The following TMEM144 variants were observed in gnomAD, a reference collection of about 807,000 sequenced individuals.
TMEM144 encodes transmembrane protein 144.
Under a neutral mutation model 43.6 loss-of-function variants are expected in TMEM144, and 39 were observed. The observed-to-expected ratio is 0.90, with a 90% confidence interval of 0.69 to 1.17. The LOEUF (loss-of-function observed/expected upper bound fraction) is 1.17, where lower values mean the gene tolerates loss of function less well. Ranked by LOEUF, TMEM144 falls within the 50% of genes most tolerant of loss-of-function variation. TMEM144 has a pLI of 0.00. For synonymous variants in TMEM144, 154 were observed against 133.6 expected (o/e 1.15, Z -1.06); for missense variants, 417 against 411.9 (o/e 1.01, Z -0.11).
At position 158,212,395 on chromosome 4, in the gene TMEM144, G is replaced by T. The variant is rs76400289; in HGVS notation, c.-60-213G>T. ...AATGTACTAAAAATTTGTCTTCAGG[G>T]CTTGTTCTTTTTAAATTGTAGGCTA... On this transcript the variant is annotated intron_variant, in intron 2 of 12. Transcript: ENST00000296529. Among the ~76,000 whole-genome samples, 11 of 152,268 alleles carry T rather than the reference G, an allele frequency of 7.2e-5. No homozygotes were observed. In the East Asian group the frequency reaches 2.1e-3, roughly 29 times the overall value.
chr4:158,223,137 T>A (rs1734586426), intron 6 of TMEM144, among the ~76,000 whole-genome samples: 1 of 152,220 alleles, frequency 6.6e-6, no homozygotes, highest in Non-Finnish European at 1.5e-5. Context: ...TTGCACAGGC[T>A]CAAAATCATT....
intron 6 of TMEM144, among the ~76,000 whole-genome samples, chr4:158,229,957 C>T (rs934042325): frequency 3.1e-4 from 15 of 48,012 alleles, no homozygotes; most frequent in Non-Finnish European, 6.7e-4. Context: ...GGCTGCTGCC[C>T]CTTCCCCAAG....
chr4:158,219,508 C>A, intron 6 of TMEM144, 118 bp downstream of exon 6: 1 of 991,446 alleles, frequency 1.0e-6, no homozygotes, highest in Non-Finnish European at 1.5e-6. Flanking sequence ...CATGCTTGTT[C>A]CTCAGATTCT....
At chr4:158,225,157 G>A (rs1734699101) in intron 6 of TMEM144, among the ~76,000 whole-genome samples, 1 of 152,202 alleles carries the variant, frequency 6.6e-6, no homozygotes, top group Admixed American at 6.5e-5. Flanking sequence ...TGCTAACAGG[G>A]CCATTGCTGC....
intron 6 of TMEM144, among the ~76,000 whole-genome samples, chr4:158,228,035 T>C (rs1364906353): frequency 6.6e-6 from 1 of 152,128 alleles, no homozygotes; most frequent in Non-Finnish European, 1.5e-5. Context: ...CACACACTTT[T>C]GCAGTTTACA....
At chr4:158,243,578 G>T (rs1189181275) in intron 11 of TMEM144, among the ~76,000 whole-genome samples, 2 of 152,118 alleles carry the variant, frequency 1.3e-5, no homozygotes, top group African/African-American at 4.8e-5. Context: ...CAGCTAAGAA[G>T]AATTACCACC....
At position 158,212,529 on chromosome 4, in the gene TMEM144, A is replaced by C. The variant is rs2272049; in HGVS notation, c.-60-79A>C. On this transcript the variant is annotated intron_variant, in intron 2 of 12. Transcript: ENST00000296529. The stretch of plus-strand genomic sequence containing the variant: ...AGGAGTCTTAGCGTGCTTTTGAAAA[A>C]TTCAATAAATATAATATGTTAATCA... The C allele has an allele frequency of 2.4e-3, 1,424 of 599,796 alleles. 28 individuals carry two copies. In the East Asian group the frequency reaches 0.038, roughly 16 times the overall value. The allele number at this position is 599,796 out of a possible 1,614,324, so 37.2% of individuals were successfully genotyped here.
chr4:158,253,671 C>A lies in TMEM144; in HGVS notation c.*144C>A, dbSNP rs959535265. The A allele has an allele frequency of 3.2e-6, 2 of 620,086 alleles. No individual in the cohort carries two copies. The highest frequency in any genetic ancestry group is 1.9e-5 in the African/African-American group (1 of 54,024). The allele number at this position is 620,086 out of a possible 1,614,324, so 38.4% of individuals were successfully genotyped here. A position where few individuals can be genotyped will look rare whatever the true frequency, so the allele number is the denominator to read the frequency against. On this transcript the variant is annotated 3_prime_UTR_variant, in exon 13 of 13. Coordinates refer to ENST00000296529, the MANE Select transcript of TMEM144 (RefSeq NM_018342.5). ...GGAGTGGGTAAATGATTTTTTTCCC[C>A]AAAAATGTGAGAATGAAGGAAGATT...
At chr4:158,245,214 G>A (rs1414015449) in intron 12 of TMEM144, among the ~76,000 whole-genome samples, 1 of 36,318 alleles carries the variant, frequency 2.8e-5, no homozygotes, top group Non-Finnish European at 5.5e-5. Context: ...TCTAGTAAGA[G>A]TGTGTGTGTG....
intron 6 of TMEM144, among the ~76,000 whole-genome samples, chr4:158,220,679 T>C (rs1485647616): frequency 6.6e-6 from 1 of 152,252 alleles, no homozygotes; most frequent in African/African-American, 2.4e-5. Context: ...CATATAGTGC[T>C]AATTACATGG....
At chr4:158,241,643 A>G (rs1261326021) in intron 11 of TMEM144, 37 bp downstream of exon 11, 1 of 1,582,734 alleles carries the variant, frequency 6.3e-7, no homozygotes, top group Non-Finnish European at 8.7e-7. Flanking sequence ...TTTTCATTTT[A>G]TAAATGTAAA....
chr4:158,222,608 T>C (rs1465053920), intron 6 of TMEM144, among the ~76,000 whole-genome samples: 1 of 152,252 alleles, frequency 6.6e-6, no homozygotes, highest in African/African-American at 2.4e-5. Context: ...GTATTACTTA[T>C]ACAGTCCTCT....
At chr4:158,225,882 G>T (rs1227816229) in intron 6 of TMEM144, among the ~76,000 whole-genome samples, 1 of 152,252 alleles carries the variant, frequency 6.6e-6, no homozygotes, top group Non-Finnish European at 1.5e-5. Flanking sequence ...GGGCTGACCC[G>T]CAGGGTGCCG....
At chr4:158,237,705 G>C in intron 9 of TMEM144, 62 bp downstream of exon 9, 1 of 1,142,742 alleles carries the variant, frequency 8.8e-7, no homozygotes, top group South Asian at 1.5e-5. Context: ...AAAAAGAATT[G>C]TGATAATAGT....
At chr4:158,243,804 G>A (rs1735741154) in intron 11 of TMEM144, among the ~76,000 whole-genome samples, 1 of 152,036 alleles carries the variant, frequency 6.6e-6, no homozygotes. Flanking sequence ...TTGCTCTGTA[G>A]TAATATCAGT....
At chr4:158,229,987 A>C (rs1361900148) in intron 6 of TMEM144, among the ~76,000 whole-genome samples, 3 of 152,218 alleles carry the variant, frequency 2.0e-5, no homozygotes, top group Admixed American at 2.0e-4. Context: ...TGGCTTAGGC[A>C]GCAGGCAGCT....
At chr4:158,231,095 G>C (rs1313651554) in intron 6 of TMEM144, among the ~76,000 whole-genome samples, 1 of 152,148 alleles carries the variant, frequency 6.6e-6, no homozygotes, top group Non-Finnish European at 1.5e-5. Context: ...TTGATATACA[G>C]CAGGACCCCT....
chr4:158,236,150 TGTG>T (rs1357961315), intron 8 of TMEM144, among the ~76,000 whole-genome samples: 1 of 152,242 alleles, frequency 6.6e-6, no homozygotes, highest in Non-Finnish European at 1.5e-5. Flanking sequence ...TTAAACTTCA[TGTG>T]GTGACACCTT....
intron 11 of TMEM144, among the ~76,000 whole-genome samples, chr4:158,242,913 G>A (rs1359763517): frequency 2.0e-5 from 3 of 152,140 alleles, no homozygotes; most frequent in Non-Finnish European, 4.4e-5. Flanking sequence ...TCCTTGGCCT[G>A]AATCAAAGAG....
Sources: allele counts gnomAD v4.1 joint callset (sites outside exome capture counted in the v4.1 genomes callset), GRCh38; gene constraint gnomAD v4.1.1; transcripts MANE v1.5; gene names NCBI Gene and HGNC (gene_info 2026-07-23, HGNC 2026-07-21).